GPC5: variants seen among roughly 807,000 people sequenced by gnomAD.
GPC5 encodes the protein glypican-5.
GPC5 carries 47 observed loss-of-function variants against 53.9 expected under a neutral mutation model. That is an observed-to-expected ratio of 0.87 (90% CI 0.69 to 1.11). The LOEUF (loss-of-function observed/expected upper bound fraction) is 1.11, where lower values mean the gene tolerates loss of function less well. GPC5 is among the 50% of genes most tolerant of loss of function. The pLI is 0.00. For synonymous variants in GPC5, 286 were observed against 263.3 expected (o/e 1.09, Z -0.84); for missense variants, 748 against 713.1 (o/e 1.05, Z -0.56).
chr13:92,159,593 C>CTTTTTTTTTTTTTTTTTT (rs71120074), intron 7 of GPC5, among the ~76,000 whole-genome samples: 1 of 57,218 alleles, frequency 1.7e-5, no homozygotes, highest in African/African-American at 6.4e-5. Context: ...TACCAATGTT[C>CTTTTTTTTTTTTTTTTTT]TTTTTTTTTT....
At chr13:92,161,995 A>G (rs987009687) in intron 7 of GPC5, among the ~76,000 whole-genome samples, 1 of 124,906 alleles carries the variant, frequency 8.0e-6, no homozygotes, top group East Asian at 2.3e-4. Context: ...ATATATATAT[A>G]TGAAACTAAA....
chr13:91,561,263 C>T (rs1427789827), intron 2 of GPC5, among the ~76,000 whole-genome samples: 1 of 152,024 alleles, frequency 6.6e-6, no homozygotes, highest in Non-Finnish European at 1.5e-5. Flanking sequence ...CACACCAGCA[C>T]ATTAATCCAT....
chr13:92,287,911 T>C (rs544139895), intron 7 of GPC5, among the ~76,000 whole-genome samples: 2 of 152,242 alleles, frequency 1.3e-5, no homozygotes, highest in African/African-American at 4.8e-5. Context: ...TGCTTGATGG[T>C]GTCCCATACA....
At chr13:92,047,881 C>T (rs1228755576) in intron 6 of GPC5, among the ~76,000 whole-genome samples, 2 of 150,164 alleles carry the variant, frequency 1.3e-5, no homozygotes, top group Non-Finnish European at 3.0e-5. Context: ...ATCTCAGCTT[C>T]TAGGGAGGCT....
intron 2 of GPC5, among the ~76,000 whole-genome samples, chr13:91,609,869 A>G (rs955468847): frequency 6.6e-6 from 1 of 152,184 alleles, no homozygotes; most frequent in Non-Finnish European, 1.5e-5. Flanking sequence ...AGGATGTTAC[A>G]TTATCAGTAC....
chr13:92,368,470 C>G (rs984676099), intron 7 of GPC5, among the ~76,000 whole-genome samples: 14 of 150,348 alleles, frequency 9.3e-5, no homozygotes, highest in African/African-American at 3.4e-4. Context: ...AAGGTGAAAC[C>G]CTGTCTCTAC....
In GPC5 at chr13:92,107,021, A is replaced by G. The variant is rs1270600307; in HGVS notation, c.1402-37809A>G. Reference sequence around the variant, plus strand: ...TTACCTATATTAATGTATTTACATCATTCACTTAATATATTTTCCTATCTG... The same window carrying G: ...TTACCTATATTAATGTATTTACATCGTTCACTTAATATATTTTCCTATCTG... On this transcript the variant is annotated intron_variant, in intron 6 of 7. Coordinates refer to ENST00000377067, the MANE Select transcript of GPC5 (RefSeq NM_004466.6). 5.3e-5 allele frequency among the ~76,000 whole-genome samples: 8 copies of G among 152,258 alleles called. No individual in the cohort carries two copies. The East Asian group carries it at 1.5e-3, about 29-fold the overall frequency.
At chr13:92,367,657 A>T (rs913432428) in intron 7 of GPC5, among the ~76,000 whole-genome samples, 1 of 152,188 alleles carries the variant, frequency 6.6e-6, no homozygotes, top group South Asian at 2.1e-4. Flanking sequence ...AAGATCTAAA[A>T]ACTCTAAATT....
chr13:92,353,266 C>CAAAAAAA (rs563794696), intron 7 of GPC5, among the ~76,000 whole-genome samples: 42 of 66,764 alleles, frequency 6.3e-4, no homozygotes, highest in Non-Finnish European at 8.1e-4. Flanking sequence ...GACTCCGTCT[C>CAAAAAAA]AAAAAAAAAA....
intron 7 of GPC5, among the ~76,000 whole-genome samples, chr13:92,164,537 GC>G (rs1248919453): frequency 6.6e-6 from 1 of 152,208 alleles, no homozygotes; most frequent in East Asian, 1.9e-4. Flanking sequence ...GTCTTGGGCA[GC>G]TTCATTCCTT....
intron 2 of GPC5, among the ~76,000 whole-genome samples, chr13:91,464,494 A>G (rs1203456950): frequency 2.6e-5 from 4 of 152,312 alleles, no homozygotes; most frequent in Middle Eastern, 3.4e-3. Context: ...GTGAATGGAT[A>G]AACAAATTGT....
chr13:92,174,452 G>T (rs763571842), intron 7 of GPC5, among the ~76,000 whole-genome samples: 2 of 151,026 alleles, frequency 1.3e-5, no homozygotes, highest in Non-Finnish European at 3.0e-5. Context: ...GGAGAACCGC[G>T]TGAACCCGGG....
intron 7 of GPC5, among the ~76,000 whole-genome samples, chr13:92,550,554 G>T (rs928768012): frequency 2.0e-5 from 3 of 151,710 alleles, no homozygotes; most frequent in African/African-American, 4.8e-5. Context: ...AAAGAAATAT[G>T]TGTCAAGTAA....
At chr13:91,709,647 T>C (rs2036184076) in intron 3 of GPC5, among the ~76,000 whole-genome samples, 1 of 152,242 alleles carries the variant, frequency 6.6e-6, no homozygotes, top group Non-Finnish European at 1.5e-5. Context: ...ACACTGTAAC[T>C]TCTCTTTTAC....
chr13:92,465,677 C>T (rs1281538839), intron 7 of GPC5, among the ~76,000 whole-genome samples: 3 of 151,020 alleles, frequency 2.0e-5, no homozygotes, highest in African/African-American at 7.3e-5. Flanking sequence ...CATTCTTTGT[C>T]TTTTTTTTTC....
At chr13:92,478,592 G>T (rs112017806) in intron 7 of GPC5, among the ~76,000 whole-genome samples, 23,921 of 152,156 alleles carry the variant, frequency 0.16, 2,111 homozygotes, top group South Asian at 0.22. Flanking sequence ...AATATAATCA[G>T]ATTGGGGAAT....
At chr13:92,005,689 A>G (rs1057372661) in intron 6 of GPC5, among the ~76,000 whole-genome samples, 5 of 152,282 alleles carry the variant, frequency 3.3e-5, no homozygotes, top group Admixed American at 1.3e-4. Flanking sequence ...AACATTGCCT[A>G]TTGTGTTCAC....
intron 2 of GPC5, among the ~76,000 whole-genome samples, chr13:91,599,804 T>C (rs1438560064): frequency 6.6e-6 from 1 of 152,226 alleles, no homozygotes; most frequent in Non-Finnish European, 1.5e-5. Flanking sequence ...TGAGGCTCTC[T>C]AGCACCTAAA....
chr13:91,440,384 C>T (rs771356126), intron 1 of GPC5, among the ~76,000 whole-genome samples: 2 of 152,174 alleles, frequency 1.3e-5, no homozygotes, highest in Admixed American at 6.5e-5. Context: ...GTCAACTCTA[C>T]TCAGCTTTCA....
Sources: allele counts gnomAD v4.1 joint callset (sites outside exome capture counted in the v4.1 genomes callset), GRCh38; gene constraint gnomAD v4.1.1; transcripts MANE v1.5; gene names NCBI Gene and HGNC (gene_info 2026-07-23, HGNC 2026-07-21).